RAVER1: variants seen among roughly 807,000 people sequenced by gnomAD.
RAVER1 encodes the protein ribonucleoprotein, PTB binding 1.
Under a neutral mutation model 68.4 loss-of-function variants are expected in RAVER1, and 36 were observed. The ratio of observed to expected loss-of-function variants is 0.53; its 90% CI spans 0.40 to 0.70. RAVER1 has a LOEUF of 0.70. Ranked by LOEUF, RAVER1 falls within the 30% of genes least tolerant of loss-of-function variation. The pLI, the probability that RAVER1 is intolerant of heterozygous loss-of-function variation, is 0.00. For missense variants in RAVER1, 933 were observed against 1,019.8 expected (o/e 0.91, Z 1.16); for synonymous variants, 469 against 472.7 (o/e 0.99, Z 0.10).
rs750999631 is a variant in RAVER1 at position 10,317,555 on chromosome 19, A to C, written c.2119T>G (p.Ser707Ala). Residue 707 changes from serine (S) to alanine (A), a missense_variant, in exon 13 of 13, where the codon TCG becomes GCG. Ser to Ala is a moderately conservative substitution (Grantham distance 99). Around this residue, in one of 3 missense-constraint regions of RAVER1, gnomAD observed 699 missense variants for 731.1 expected, o/e 0.96. Coordinates refer to ENST00000617231, the MANE Select transcript of RAVER1 (RefSeq NM_133452.3). This position sits in a 1 kb window ranked among gnomAD's most constrained non-coding sequence, Gnocchi z 4.3. ...CTGCCTTCTGGGCTGGGCTCGGGCG[A>C]GGGCAGCAGGTGGGCAAAGCTGCGT... ...QKRSFAHLLPSPEPSPEGSYV... is the reference protein window; with the variant it reads ...QKRSFAHLLPAPEPSPEGSYV... 3 of 1,609,348 alleles carry C rather than the reference A, an allele frequency of 1.9e-6. No homozygotes were observed. Among genetic ancestry groups the C allele is most frequent in the African/African-American group, 2.7e-5 (2 of 74,614 alleles).
At chr19:10,325,248 G>A (rs1024431069) in intron 3 of RAVER1, among the ~76,000 whole-genome samples, 2 of 151,170 alleles carry the variant, frequency 1.3e-5, no homozygotes, top group African/African-American at 4.9e-5. Flanking sequence ...TTTTTGAGAC[G>A]GAGTCTCGCT....
At chr19:10,325,624 G>A (rs960320752) in intron 3 of RAVER1, among the ~76,000 whole-genome samples, 26 of 152,114 alleles carry the variant, frequency 1.7e-4, no homozygotes, top group Non-Finnish European at 3.1e-4. Flanking sequence ...TTACAGGCAT[G>A]AGCCACTGTG....
chr19:10,329,070 T>C lies in RAVER1; in HGVS notation c.328A>G (p.Ile110Val). 1.3e-6 allele frequency: 2 copies of C among 1,515,406 alleles called. 1 individual carries two copies. The highest frequency in any genetic ancestry group is 2.6e-5 in the South Asian group (2 of 76,200). 93.9% of individuals were successfully genotyped at this position (1,515,406 alleles called of 1,614,324 possible). A position where few individuals can be genotyped will look rare whatever the true frequency, so the allele number is the denominator to read the frequency against. Residue 110 changes from isoleucine to valine, a missense_variant, in exon 3 of 13, where the codon ATC (isoleucine) becomes GTC (valine). This residue lies in a region of RAVER1 where 211 missense variants were observed against 230.0 expected (regional missense o/e 0.92). Coordinates refer to ENST00000617231, the MANE Select transcript of RAVER1 (RefSeq NM_133452.3). The surrounding 1 kb of genome is among the most constrained non-coding windows in gnomAD (Gnocchi z 4.6). ...AGGCGGCTCTGGTGGAAAGCATTGA[T>C]TGCGGCCTCGGCCTGCTCCCCATTC... is the stretch of plus-strand genomic sequence containing the variant. Reference protein sequence around the residue: ...LLNGEQAEAAINAFHQSRLRE... With the variant: ...LLNGEQAEAAVNAFHQSRLRE...
Position 10,320,874 on chromosome 19 carries a change from CG to C in RAVER1, c.1550del (p.Pro517ArgfsTer174). 1 of 1,509,780 alleles carries C rather than the reference CG, an allele frequency of 6.6e-7. No homozygotes were observed. The highest frequency in any genetic ancestry group is 8.8e-7 in the Non-Finnish European group (1 of 1,135,664). 93.5% of individuals were successfully genotyped at this position (1,509,780 alleles called of 1,614,324 possible). A position where few individuals can be genotyped will look rare whatever the true frequency, so the allele number is the denominator to read the frequency against. ...NPYLNLHSLL[P>X]ASNLAGKEAR... is the part of the protein sequence containing the mutation. ...CCTCCTTACCCGCCAGGTTGCTGGC[CG>C]GGAGCAGGCTGTGTAGGTTCAGGTA... On this transcript the variant is annotated frameshift_variant, in exon 9 of 13. Transcript: ENST00000617231. LOFTEE classifies it high-confidence loss of function.
intron 7 of RAVER1, 33 bp from the exon 8 acceptor site, chr19:10,321,292 G>A (rs1379491651): frequency 8.9e-7 from 1 of 1,117,534 alleles, no homozygotes; most frequent in Non-Finnish European, 1.2e-6. Flanking sequence ...AGGGGCCCAG[G>A]CTCACAGGAC....
chr19:10,332,264 C>G (rs936068691), intron 1 of RAVER1, among the ~76,000 whole-genome samples: 9 of 152,182 alleles, frequency 5.9e-5, no homozygotes, highest in African/African-American at 2.2e-4. Flanking sequence ...TCTCAAAGTG[C>G]TGGGATTAAA....
At chr19:10,326,976 G>A (rs887901574) in intron 3 of RAVER1, among the ~76,000 whole-genome samples, 1 of 151,750 alleles carries the variant, frequency 6.6e-6, no homozygotes, top group African/African-American at 2.4e-5. Flanking sequence ...CACCATGTTG[G>A]CCAGGCTGGT....
chr19:10,317,587 C>A lies in RAVER1; in HGVS notation c.2087G>T (p.Gly696Val). 1 of 1,609,832 alleles carries A rather than the reference C, an allele frequency of 6.2e-7. No homozygotes were observed. The highest frequency in any genetic ancestry group is 8.5e-7 in the Non-Finnish European group (1 of 1,178,602). The change falls in exon 13 of 13, where the codon GGC (glycine) becomes GTC (valine). Residue 696 changes from glycine (G) to valine (V), a missense_variant. Physicochemically the swap from Gly to Val is moderately radical, Grantham distance 109. Around this residue, in one of 3 missense-constraint regions of RAVER1, gnomAD observed 699 missense variants for 731.1 expected, o/e 0.96. Coordinates refer to ENST00000617231, the MANE Select transcript of RAVER1 (RefSeq NM_133452.3). This position sits in a 1 kb window ranked among gnomAD's most constrained non-coding sequence, Gnocchi z 4.3. The part of the protein sequence containing the change: ...HSHLLKTPLG[G>V]QKRSFAHLLP... ...CAGGTGGGCAAAGCTGCGTTTCTGG[C>A]CGCCCAGTGGGGTCTGGAGACAGAG...
rs1424166266 is a variant in RAVER1, at chr19:10,331,098, C to T, written c.220-572G>A. 2.6e-5 allele frequency among the ~76,000 whole-genome samples: 4 copies of T among 151,418 alleles called. No individual in the cohort carries two copies. The East Asian group carries it at 7.8e-4, about 30-fold the overall frequency. On this transcript the variant is annotated intron_variant, in intron 1 of 12. Coordinates refer to ENST00000617231, the MANE Select transcript of RAVER1 (RefSeq NM_133452.3). ...GGCGCGGTGGCTCACGCCTGTAATC[C>T]CAGCACTTTGGGAGGCCGAGGCGGG...
At chr19:10,325,944 C>A (rs1373649307) in intron 3 of RAVER1, among the ~76,000 whole-genome samples, 4 of 152,030 alleles carry the variant, frequency 2.6e-5, no homozygotes, top group Non-Finnish European at 5.9e-5. Context: ...GACCCTGTGA[C>A]CTTTGATCTC....
At position 10,322,998 on chromosome 19, in the gene RAVER1, A is replaced by G; in HGVS notation, c.1078+147T>C. On this transcript the variant is annotated intron_variant, in intron 5 of 12. Transcript: ENST00000617231. This position sits in a 1 kb window ranked among gnomAD's most constrained non-coding sequence, Gnocchi z 4.3. ...CCGGCCCCCAGTTGTGGACAGCAGC[A>G]GCCCCCGCTATGACTCCATACTCCC... 1.4e-6 allele frequency: 1 copy of G among 708,080 alleles called. No homozygotes were observed. Among genetic ancestry groups the G allele is most frequent in the Non-Finnish European group, 2.3e-6 (1 of 440,946 alleles). The allele number at this position is 708,080 out of a possible 1,614,324, so 43.9% of individuals were successfully genotyped here.
At position 10,320,886 on chromosome 19, in the gene RAVER1, G is replaced by A; in HGVS notation, c.1539C>T (p.His513=). ...RIPLNPYLNL[H]SLLPASNLAG... ...CCAGGTTGCTGGCCGGGAGCAGGCT[G>A]TGTAGGTTCAGGTAGGGATTCAGGG... Residue 513 remains histidine (H), a synonymous_variant, in exon 9 of 13, where the codon CAC becomes CAT. Coordinates refer to ENST00000617231, the MANE Select transcript of RAVER1 (RefSeq NM_133452.3). 1.3e-6 allele frequency: 2 copies of A among 1,513,288 alleles called. No individual in the cohort carries two copies. The highest frequency in any genetic ancestry group is 8.8e-7 in the Non-Finnish European group (1 of 1,137,048). 93.7% of individuals were successfully genotyped at this position (1,513,288 alleles called of 1,614,324 possible).
At position 10,318,235 on chromosome 19, in the gene RAVER1, G is replaced by C. The variant is rs768001156; in HGVS notation, c.1983C>G (p.Leu661=). ...GGCCAGAGAGGTTCCTCACCTTACTGAGGTGGCTCTGCTTGAGGCCAGCCT... is the reference window on the plus strand; with the variant it reads ...GGCCAGAGAGGTTCCTCACCTTACTCAGGTGGCTCTGCTTGAGGCCAGCCT... ...GLQAGLKQSH[L]SKAIGSSPLG... Residue 661 remains leucine, a synonymous_variant, in exon 11 of 13, where the codon CTC becomes CTG. Transcript: ENST00000617231. 6.2e-7 allele frequency: 1 copy of C among 1,605,214 alleles called. No homozygotes were observed. The highest frequency in any genetic ancestry group is 8.5e-7 in the Non-Finnish European group (1 of 1,176,602).
In RAVER1 at chr19:10,321,013, G is replaced by A. The variant is rs531057195; in HGVS notation, c.1473+35C>T. 6.1e-6 allele frequency: 9 copies of A among 1,470,748 alleles called. No individual in the cohort carries two copies. In the South Asian group the frequency reaches 1.3e-4, roughly 22 times the overall value. The allele number at this position is 1,470,748 out of a possible 1,614,324, so 91.1% of individuals were successfully genotyped here. A position where few individuals can be genotyped will look rare whatever the true frequency, so the allele number is the denominator to read the frequency against. On this transcript the variant is annotated intron_variant, in intron 8 of 12. Coordinates refer to ENST00000617231, the MANE Select transcript of RAVER1 (RefSeq NM_133452.3). Reference sequence around the variant, plus strand: ...GAGAGGGAACCCTGCGGAACAGGAGGCTGGTGTGGTGCCGCGCGCAGGGCA... The same window carrying A: ...GAGAGGGAACCCTGCGGAACAGGAGACTGGTGTGGTGCCGCGCGCAGGGCA...
At chr19:10,319,795 TGAAATATATA>T (rs1175485972) in intron 9 of RAVER1, among the ~76,000 whole-genome samples, 1 of 95,634 alleles carries the variant, frequency 1.0e-5, no homozygotes, top group Non-Finnish European at 2.3e-5. Flanking sequence ...ATATTATATA[TGAAATATATA>T]TTTTATTATA....
rs2040449566 is a variant in RAVER1 at position 10,323,031 on chromosome 19, C to A, written c.1078+114G>T. The A allele has an allele frequency of 1.1e-6, 1 of 918,700 alleles. No individual in the cohort carries two copies. Among genetic ancestry groups the A allele is most frequent in the South Asian group, 1.8e-5 (1 of 55,334 alleles). 56.9% of individuals were successfully genotyped at this position (918,700 alleles called of 1,614,324 possible). On this transcript the variant is annotated intron_variant, in intron 5 of 12. Transcript: ENST00000617231. This position sits in a 1 kb window ranked among gnomAD's most constrained non-coding sequence, Gnocchi z 6.2. ...CTATGACTCCATACTCCCCCTCGGC[C>A]CTACTCCTGGGGCTCCTGTCACTGC... is the stretch of plus-strand genomic sequence containing the variant.
At chr19:10,320,981 C>A (rs781322469) in intron 8 of RAVER1, 30 bp from the exon 9 acceptor site, 22 of 1,483,552 alleles carry the variant, frequency 1.5e-5, no homozygotes, top group Non-Finnish European at 1.9e-5. Context: ...TTCGAGAGGG[C>A]CCCCGGGAGA....
chr19:10,329,568 GC>G lies in RAVER1; in HGVS notation c.287-458del, dbSNP rs139340844. Among the ~76,000 whole-genome samples, 5,183 of 152,184 alleles carry G rather than the reference GC, an allele frequency of 0.034. 100 individuals are homozygous for G. Among genetic ancestry groups the G allele is most frequent in the East Asian group, 0.049 (254 of 5,162 alleles). ...AACGGGCCCAGAGCAGCACCCCTGT[GC>G]CCCGAGTAGGGGAGCCTGGACTTGA... On this transcript the variant is annotated intron_variant, in intron 2 of 12. Transcript: ENST00000617231. This position sits in a 1 kb window ranked among gnomAD's most constrained non-coding sequence, Gnocchi z 4.6.
In RAVER1 at chr19:10,318,265, G is replaced by T. The variant is rs1347810106; in HGVS notation, c.1953C>A (p.Gly651=). The change falls in exon 11 of 13, where the codon GGC becomes GGA. Residue 651 remains glycine, a synonymous_variant. Transcript: ENST00000617231. ...GGCTCTGCTTGAGGCCAGCCTGCAG[G>T]CCGCTGGTGAAGTAGGAAGTGGGCG... ...SGSPTSYFTS[G]LQAGLKQSHL... is the part of the protein sequence containing the mutation. 3 of 1,605,924 alleles carry T rather than the reference G, an allele frequency of 1.9e-6. No homozygotes were observed. The highest frequency in any genetic ancestry group is 2.5e-6 in the Non-Finnish European group (3 of 1,176,942).
Sources: allele counts gnomAD v4.1 joint callset (sites outside exome capture counted in the v4.1 genomes callset), GRCh38; gene constraint gnomAD v4.1.1; regional missense constraint gnomAD v4.1.1; non-coding constraint Gnocchi (gnomAD v3.1); transcripts MANE v1.5; gene names NCBI Gene and HGNC (gene_info 2026-07-23, HGNC 2026-07-21).